SNTG1: variants seen among roughly 807,000 people sequenced by gnomAD.
The protein encoded by SNTG1 is gamma-1-syntrophin.
In SNTG1, 39 loss-of-function variants were observed where a neutral mutation model predicts 74.7. The observed-to-expected ratio is 0.52, with a 90% CI of 0.40 to 0.68. The LOEUF is 0.68. SNTG1 is among the 30% of genes least tolerant of loss of function. The pLI, the probability that SNTG1 is intolerant of heterozygous loss-of-function variation, is 0.00. For missense variants in SNTG1, 685 were observed against 609.5 expected (o/e 1.12, Z -1.30); for synonymous variants, 254 against 217.1 (o/e 1.17, Z -1.49).
chr8:50,695,236 A>C (rs1455328319), intron 15 of SNTG1, among the ~76,000 whole-genome samples: 2 of 151,942 alleles, frequency 1.3e-5, no homozygotes, highest in East Asian at 3.8e-4. Flanking sequence ...CGTTAAAAAT[A>C]GAAACAAATT....
chr8:50,523,186 T>G (rs1298433857), intron 9 of SNTG1, among the ~76,000 whole-genome samples: 1 of 152,182 alleles, frequency 6.6e-6, no homozygotes, highest in African/African-American at 2.4e-5. Context: ...GGATTAAGAT[T>G]TGGCTTAAGG....
intron 1 of SNTG1, among the ~76,000 whole-genome samples, chr8:50,021,318 CTT>C (rs1198404888): frequency 5.3e-5 from 8 of 152,108 alleles, no homozygotes; most frequent in Admixed American, 4.6e-4. Context: ...CAATTTTACT[CTT>C]GTTTGTTTTG....
At chr8:49,934,909 G>T (rs1807919216) in intron 1 of SNTG1, among the ~76,000 whole-genome samples, 2 of 151,954 alleles carry the variant, frequency 1.3e-5, no homozygotes, top group Non-Finnish European at 2.9e-5. Context: ...CAAAGGAATT[G>T]TTTCTCTTTG....
At chr8:50,635,316 C>A (rs2095031831) in intron 13 of SNTG1, among the ~76,000 whole-genome samples, 1 of 152,064 alleles carries the variant, frequency 6.6e-6, no homozygotes, top group South Asian at 2.1e-4. Flanking sequence ...CGCTCAAGGC[C>A]CTAGCACTCT....
intron 2 of SNTG1, among the ~76,000 whole-genome samples, chr8:50,351,424 C>A (rs971663742): frequency 6.6e-6 from 1 of 152,170 alleles, no homozygotes; most frequent in African/African-American, 2.4e-5. Flanking sequence ...ACCCTTGGAG[C>A]TTTCTAGATA....
At chr8:50,578,555 G>T (rs1267475719) in intron 12 of SNTG1, among the ~76,000 whole-genome samples, 1 of 152,140 alleles carries the variant, frequency 6.6e-6, no homozygotes, top group Non-Finnish European at 1.5e-5. Flanking sequence ...ATCTCATCTT[G>T]AATTATAGTT....
At chr8:50,150,232 C>A (rs1198160552) in intron 1 of SNTG1, among the ~76,000 whole-genome samples, 2 of 152,074 alleles carry the variant, frequency 1.3e-5, no homozygotes, top group African/African-American at 4.8e-5. Flanking sequence ...GTTATTTTTG[C>A]ACATTGATTT....
intron 11 of SNTG1, among the ~76,000 whole-genome samples, chr8:50,540,029 CT>C (rs1585619982): frequency 6.6e-6 from 1 of 152,086 alleles, no homozygotes; most frequent in East Asian, 1.9e-4. Context: ...GGATTCAGCA[CT>C]TTTTTTATCC....
In SNTG1 at chr8:50,751,981, G is replaced by GC. The variant is rs1554626545; in HGVS notation, c.1285-20_1285-19insC. ...GATATTAATTCCACCGACTTACATTGTTTTTTTTCCCCCCTTTAGGCTGTC... is the reference window on the plus strand; with the variant it reads ...GATATTAATTCCACCGACTTACATTGCTTTTTTTTCCCCCCTTTAGGCTGTC... On this transcript the variant is annotated intron_variant, in intron 17 of 18. Transcript: ENST00000642720. 38 of 1,402,470 alleles carry GC rather than the reference G, an allele frequency of 2.7e-5. No homozygotes were observed. The African/African-American group carries it at 5.1e-4, about 19-fold the overall frequency. 86.9% of individuals were successfully genotyped at this position (1,402,470 alleles called of 1,614,324 possible). A position where few individuals can be genotyped will look rare whatever the true frequency, so the allele number is the denominator to read the frequency against.
At chr8:49,967,648 A>G (rs1377113517) in intron 1 of SNTG1, among the ~76,000 whole-genome samples, 2 of 152,216 alleles carry the variant, frequency 1.3e-5, no homozygotes, top group African/African-American at 2.4e-5. Context: ...TGCCTTCACC[A>G]TAAGAGTGCC....
At chr8:50,575,132 T>C (rs2094569948) in intron 12 of SNTG1, among the ~76,000 whole-genome samples, 1 of 152,202 alleles carries the variant, frequency 6.6e-6, no homozygotes, top group South Asian at 2.1e-4. Flanking sequence ...CCTAGTCTGT[T>C]CAGTCCTACA....
chr8:50,507,070 G>A (rs942687518), intron 9 of SNTG1, among the ~76,000 whole-genome samples: 2 of 151,934 alleles, frequency 1.3e-5, no homozygotes, highest in Non-Finnish European at 2.9e-5. Flanking sequence ...TTCATCAACT[G>A]AGGTGTCTAT....
At chr8:50,218,044 A>G (rs2084881426) in intron 2 of SNTG1, among the ~76,000 whole-genome samples, 1 of 152,232 alleles carries the variant, frequency 6.6e-6, no homozygotes, top group Non-Finnish European at 1.5e-5. Flanking sequence ...CATGGCTTCA[A>G]AAATACTAAG....
intron 1 of SNTG1, among the ~76,000 whole-genome samples, chr8:50,081,612 G>A (rs988589578): frequency 2.6e-5 from 4 of 151,336 alleles, no homozygotes; most frequent in Non-Finnish European, 5.9e-5. Context: ...TGTTCACTTC[G>A]TTTTTTTTGT....
chr8:50,155,035 A>G (rs772448001), intron 1 of SNTG1, among the ~76,000 whole-genome samples: 1 of 152,240 alleles, frequency 6.6e-6, no homozygotes, highest in Non-Finnish European at 1.5e-5. Flanking sequence ...ATTATTTCAA[A>G]GTAAAAATTC....
At chr8:50,076,992 T>G (rs1283547390) in intron 1 of SNTG1, among the ~76,000 whole-genome samples, 2 of 152,254 alleles carry the variant, frequency 1.3e-5, no homozygotes, top group African/African-American at 4.8e-5. Flanking sequence ...TTCAGTACAA[T>G]GGATACTATT....
chr8:50,502,696 ACAAC>A, intron 8 of SNTG1, 78 bp from the exon 9 acceptor site: 1 of 1,167,292 alleles, frequency 8.6e-7, no homozygotes, highest in Non-Finnish European at 1.2e-6. Flanking sequence ...GGTGGAAGAA[ACAAC>A]CAATAATTTC....
intron 2 of SNTG1, among the ~76,000 whole-genome samples, chr8:50,328,469 A>G (rs2090839175): frequency 6.6e-6 from 1 of 152,182 alleles, no homozygotes; most frequent in Admixed American, 6.5e-5. Context: ...AGGCCTCAGG[A>G]AACTTACAAT....
intron 2 of SNTG1, among the ~76,000 whole-genome samples, chr8:50,391,792 G>A (rs892103594): frequency 2.6e-5 from 4 of 152,034 alleles, no homozygotes; most frequent in African/African-American, 9.7e-5. Context: ...TTCTGGTTTA[G>A]TCTTGGGAGT....
Sources: allele counts gnomAD v4.1 joint callset (sites outside exome capture counted in the v4.1 genomes callset), GRCh38; gene constraint gnomAD v4.1.1; transcripts MANE v1.5; gene names NCBI Gene and HGNC (gene_info 2026-07-23, HGNC 2026-07-21).